AK9: variants seen among roughly 807,000 people sequenced by gnomAD.
AK9 encodes adenylate kinase 9, also known as adenylate kinase domain containing 1.
AK9 carries 191 observed loss-of-function variants against 239.6 expected under a neutral mutation model. The observed-to-expected ratio is 0.80, with a 90% CI of 0.71 to 0.90. The LOEUF (loss-of-function observed/expected upper bound fraction) is 0.90, where lower values mean the gene tolerates loss of function less well. AK9 is among the 40% of genes least tolerant of loss of function. The pLI, the probability that AK9 is intolerant of heterozygous loss-of-function variation, is 0.00. For synonymous variants in AK9, 689 were observed against 721.0 expected (o/e 0.96, Z 0.71); for missense variants, 1,995 against 2,214.7 (o/e 0.90, Z 1.99).
chr6:109,523,131 T>C (rs1233555655), intron 29 of AK9, among the ~76,000 whole-genome samples: 1 of 152,206 alleles, frequency 6.6e-6, no homozygotes, highest in Admixed American at 6.6e-5. Context: ...TCTTACTTTT[T>C]AATATGTATG....
intron 5 of AK9, among the ~76,000 whole-genome samples, chr6:109,664,051 A>C (rs887091573): frequency 7.9e-5 from 12 of 152,238 alleles, no homozygotes; most frequent in African/African-American, 2.9e-4. Flanking sequence ...ATGTAAAGCA[A>C]TGCCACTTTT....
intron 26 of AK9, among the ~76,000 whole-genome samples, chr6:109,542,673 A>AT (rs1783051479): frequency 6.6e-6 from 1 of 152,142 alleles, no homozygotes; most frequent in African/African-American, 2.4e-5. Context: ...GAGACCTGTT[A>AT]TTTTCTCTGA....
At chr6:109,565,699 G>T (rs1348208824) in intron 21 of AK9, among the ~76,000 whole-genome samples, 1 of 152,144 alleles carries the variant, frequency 6.6e-6, no homozygotes, top group African/African-American at 2.4e-5. Context: ...GGGAAGGCAG[G>T]ACTAATTATC....
chr6:109,546,258 GA>G (rs1403487338), intron 25 of AK9, 131 bp from the exon 26 acceptor site: 3 of 766,678 alleles, frequency 3.9e-6, no homozygotes, highest in Admixed American at 3.1e-5. Flanking sequence ...ATCACATCAT[GA>G]ACTCAAGGAT....
chr6:109,689,469 G>A (rs927127), intron 1 of AK9, among the ~76,000 whole-genome samples: 13,191 of 152,192 alleles, frequency 0.087, 933 homozygotes, highest in African/African-American at 0.19. Flanking sequence ...AGGGTAGACT[G>A]GAAGTTCTAG....
chr6:109,614,194 A>T lies in AK9; in HGVS notation c.1598T>A (p.Val533Asp). Residue 533 changes from valine to aspartate, a missense_variant, in exon 15 of 41, where the codon GTT (valine) becomes GAT (aspartate). By Grantham distance (152) the Val-to-Asp change is radical (BLOSUM62 -3). Coordinates refer to ENST00000424296, the MANE Select transcript of AK9 (RefSeq NM_001145128.3). ...GTTCACTTTGTTACCATCTTTATCA[A>T]CTTTAGCAGCTTGATCATGGAGGAC... Reference protein sequence around the residue: ...ENVLHDQAAKVDKDDGKETGE... With the variant: ...ENVLHDQAAKDDKDDGKETGE... 1.9e-6 allele frequency: 3 copies of T among 1,551,136 alleles called. No homozygotes were observed. Among genetic ancestry groups the T allele is most frequent in the Non-Finnish European group, 2.6e-6 (3 of 1,146,570 alleles).
chr6:109,621,059 A>G (rs1190088636), intron 12 of AK9, among the ~76,000 whole-genome samples: 2 of 151,418 alleles, frequency 1.3e-5, no homozygotes, highest in East Asian at 1.9e-4. Context: ...AAAACAAACA[A>G]CCCCATCAAA....
At chr6:109,509,156 A>G (rs1167302452) in intron 33 of AK9, 23 bp downstream of exon 33, 1 of 1,548,076 alleles carries the variant, frequency 6.5e-7, no homozygotes, top group Non-Finnish European at 8.7e-7. Context: ...CCTCTGTCCC[A>G]TCCTCTCACC....
At chr6:109,603,693 G>A in intron 17 of AK9, among the ~76,000 whole-genome samples, 1 of 152,180 alleles carries the variant, frequency 6.6e-6, no homozygotes. Flanking sequence ...AGGCAGGCAG[G>A]CCTCCTTGAG....
intron 35 of AK9, among the ~76,000 whole-genome samples, chr6:109,505,195 G>A (rs1203131249): frequency 6.6e-6 from 1 of 152,168 alleles, no homozygotes; most frequent in Non-Finnish European, 1.5e-5. Flanking sequence ...AAGATACAGT[G>A]CTGCAGTTAT....
Position 109,659,343 on chromosome 6 carries a change from C to T in AK9, c.515G>A (p.Ser172Asn), listed in dbSNP as rs776429352. 2.5e-6 allele frequency: 4 copies of T among 1,611,632 alleles called. No individual in the cohort carries two copies. The African/African-American group carries it at 5.3e-5, about 22-fold the overall frequency. The change falls in exon 7 of 41, where the codon AGT becomes AAT. Residue 172 changes from serine (S) to asparagine (N), a missense_variant. Ser to Asn is a conservative substitution (Grantham distance 46). Transcript: ENST00000424296. ...RQHNNTGYIY[S>N]RDQWDPEVIE... ...GACTTCAGGATCCCACTGGTCTCTA[C>T]TGTATATGTATCCCGTATTATTGTG... is the stretch of plus-strand genomic sequence containing the variant.
At chr6:109,513,419 A>C (rs1204019582) in intron 32 of AK9, among the ~76,000 whole-genome samples, 1 of 152,246 alleles carries the variant, frequency 6.6e-6, no homozygotes, top group East Asian at 1.9e-4. Flanking sequence ...GCTTATAAAA[A>C]TACAGGCATT....
chr6:109,575,315 C>T (rs1252363566), intron 20 of AK9, among the ~76,000 whole-genome samples: 1 of 152,056 alleles, frequency 6.6e-6, no homozygotes, highest in African/African-American at 2.4e-5. Context: ...AACTGTTTCC[C>T]TTTCATCACA....
intron 36 of AK9, among the ~76,000 whole-genome samples, chr6:109,498,257 C>T (rs1032719329): frequency 5.9e-5 from 9 of 152,212 alleles, no homozygotes; most frequent in Non-Finnish European, 1.0e-4. Context: ...CCTGCCAGCC[C>T]GTATTCCTGT....
In AK9 at chr6:109,585,943, T is replaced by A; in HGVS notation, c.1972A>T (p.Ile658Phe). Residue 658 changes from isoleucine (I) to phenylalanine (F), a missense_variant, in exon 18 of 41, where the codon ATC becomes TTC. Coordinates refer to ENST00000424296, the MANE Select transcript of AK9 (RefSeq NM_001145128.3). ...IKKGIIPDLV[I>F]YLSDTENNGK... ...TTGTTTTCTGTATCTGATAAATAGA[T>A]GACCAAATCAGGTATAATTCCTTTC... The A allele has an allele frequency of 1.9e-6, 3 of 1,547,918 alleles. No homozygotes were observed. Among genetic ancestry groups the A allele is most frequent in the Non-Finnish European group, 2.6e-6 (3 of 1,145,700 alleles).
intron 21 of AK9, among the ~76,000 whole-genome samples, chr6:109,569,362 A>G (rs1787061500): frequency 6.6e-6 from 1 of 152,228 alleles, no homozygotes; most frequent in Non-Finnish European, 1.5e-5. Context: ...TTCAGGACAT[A>G]GACATGGGCA....
chr6:109,613,739 T>C (rs922485859), intron 15 of AK9, among the ~76,000 whole-genome samples: 1 of 151,358 alleles, frequency 6.6e-6, no homozygotes, highest in African/African-American at 2.4e-5. Flanking sequence ...CATATAATTA[T>C]TATATAATGT....
intron 2 of AK9, 28 bp from the exon 3 acceptor site, chr6:109,674,289 C>A: frequency 1.4e-6 from 2 of 1,474,192 alleles, no homozygotes; most frequent in Non-Finnish European, 1.8e-6. Context: ...TATTTAAAGC[C>A]CAATAGAACA....
intron 17 of AK9, among the ~76,000 whole-genome samples, chr6:109,600,794 G>T (rs1261528597): frequency 6.6e-6 from 1 of 152,002 alleles, no homozygotes; most frequent in Non-Finnish European, 1.5e-5. Flanking sequence ...ACTTCTTCCT[G>T]GTTTAGTCTT....
Sources: allele counts gnomAD v4.1 joint callset (sites outside exome capture counted in the v4.1 genomes callset), GRCh38; gene constraint gnomAD v4.1.1; transcripts MANE v1.5; gene names NCBI Gene and HGNC (gene_info 2026-07-23, HGNC 2026-07-21).